Variants in KLRG1 observed in about 807,000 individuals in gnomAD.
The protein encoded by KLRG1 is killer cell lectin-like receptor subfamily G member 1.
A neutral mutation model predicts 21.8 loss-of-function variants in KLRG1; 16 were observed. That is an observed-to-expected ratio of 0.73 (90% CI 0.50 to 1.11). The LOEUF is 1.11. Among genes scored for constraint, KLRG1 ranks in the 50% most tolerant of loss-of-function variants. KLRG1 has a pLI of 0.00. For synonymous variants in KLRG1, 69 were observed against 75.9 expected (o/e 0.91, Z 0.47); for missense variants, 173 against 218.3 (o/e 0.79, Z 1.31).
At chr12:9,197,166 G>C in the KLRG1 span, 1 of 1,340,820 alleles carries the variant, frequency 7.5e-7, no homozygotes. Flanking sequence ...ATGGCTGTTT[G>C]CATTTTCCAC....
chr12:9,192,691 C>T, the KLRG1 span: 4 of 1,613,800 alleles, frequency 2.5e-6, no homozygotes, highest in Non-Finnish European at 2.5e-6. Context: ...TGGTGGTCTT[C>T]TGCTACCCAT....
At chr12:9,067,895 A>G in the KLRG1 span, 22 of 1,537,870 alleles carry the variant, frequency 1.4e-5, no homozygotes, top group South Asian at 2.5e-4. Context: ...ATGAGCAGAG[A>G]GTATTCTTTC....
chr12:9,083,939 GAAACATATCACATAC>G, the KLRG1 span, among the ~76,000 whole-genome samples: 1 of 152,164 alleles, frequency 6.6e-6, no homozygotes, highest in South Asian at 2.1e-4. Flanking sequence ...AGGTGATAAA[GAAACATATCACATAC>G]AAAGGAATTC....
chr12:9,060,817 G>A, the KLRG1 span, among the ~76,000 whole-genome samples: 1 of 152,110 alleles, frequency 6.6e-6, no homozygotes, highest in African/African-American at 2.4e-5. Context: ...ATATGTTTTG[G>A]ATTAATGATG....
intron 3 of KLRG1, among the ~76,000 whole-genome samples, chr12:9,008,625 G>A (rs1346549268): frequency 6.6e-6 from 1 of 152,122 alleles, no homozygotes; most frequent in Non-Finnish European, 1.5e-5. Context: ...GCTTGCACAT[G>A]GCTGCCTTTT....
At chr12:9,095,731 C>CTTATTT in the KLRG1 span, 2 of 510,274 alleles carry the variant, frequency 3.9e-6, no homozygotes, top group Non-Finnish European at 6.7e-6. Context: ...AAAAGGCAAA[C>CTTATTT]TTATTTGTGA....
the KLRG1 span, chr12:9,110,143 G>C: frequency 8.0e-7 from 1 of 1,246,210 alleles, no homozygotes; most frequent in African/African-American, 1.5e-5. Flanking sequence ...AAATGGGGTA[G>C]TAGTAAAGGG....
the KLRG1 span, chr12:9,068,908 G>C: frequency 8.6e-7 from 1 of 1,160,048 alleles, no homozygotes; most frequent in Non-Finnish European, 1.2e-6. Context: ...ATTAGTTTAA[G>C]TATTCACCTG....
At chr12:9,187,968 C>G in the KLRG1 span, among the ~76,000 whole-genome samples, 1 of 152,254 alleles carries the variant, frequency 6.6e-6, no homozygotes, top group South Asian at 2.1e-4. Flanking sequence ...GTGGTGGTGG[C>G]TGCAGTCCCA....
the KLRG1 span, among the ~76,000 whole-genome samples, chr12:9,029,491 A>C: frequency 6.6e-6 from 1 of 151,942 alleles, no homozygotes; most frequent in Non-Finnish European, 1.5e-5. Context: ...GCTGGGATCC[A>C]CGGCCCCTGG....
At chr12:8,975,473 T>A (rs1946642487) in intron 1 of KLRG1, among the ~76,000 whole-genome samples, 1 of 152,236 alleles carries the variant, frequency 6.6e-6, no homozygotes, top group African/African-American at 2.4e-5. Context: ...GTGCTCCTTA[T>A]GACCCTTTCT....
At chr12:8,958,504 T>G (rs1565535102) in intron 1 of KLRG1, among the ~76,000 whole-genome samples, 2 of 152,226 alleles carry the variant, frequency 1.3e-5, no homozygotes, top group Admixed American at 6.5e-5. Flanking sequence ...GTTTTGGCTA[T>G]TCTAGGTCCT....
the KLRG1 span, among the ~76,000 whole-genome samples, chr12:9,108,804 A>G: frequency 6.6e-6 from 1 of 152,232 alleles, no homozygotes; most frequent in Non-Finnish European, 1.5e-5. Flanking sequence ...ACAGGTATGT[A>G]GACCCGCCTT....
At chr12:9,183,484 C>T in the KLRG1 span, among the ~76,000 whole-genome samples, 1 of 152,152 alleles carries the variant, frequency 6.6e-6, no homozygotes, top group African/African-American at 2.4e-5. Flanking sequence ...ACTGCAGCCT[C>T]GAATTTCTGG....
chr12:9,054,991 A>T, the KLRG1 span, among the ~76,000 whole-genome samples: 1 of 152,228 alleles, frequency 6.6e-6, no homozygotes, highest in African/African-American at 2.4e-5. Context: ...TCTGGTCCCA[A>T]GTATTTTGGA....
chr12:8,982,298 A>G (rs376737918), intron 1 of KLRG1, among the ~76,000 whole-genome samples: 1 of 152,256 alleles, frequency 6.6e-6, no homozygotes, highest in East Asian at 1.9e-4. Context: ...CAAAGGTGGC[A>G]GAAGAATCCA....
the KLRG1 span, among the ~76,000 whole-genome samples, chr12:9,048,689 A>T: frequency 6.6e-6 from 1 of 152,216 alleles, no homozygotes; most frequent in African/African-American, 2.4e-5. Flanking sequence ...TCCAAACTCA[A>T]CTGTATATAG....
the KLRG1 span, among the ~76,000 whole-genome samples, chr12:9,026,854 G>A: frequency 6.6e-6 from 1 of 151,746 alleles, no homozygotes; most frequent in Non-Finnish European, 1.5e-5. Context: ...AAAAAATCGT[G>A]TGTGTGTCTG....
chr12:9,072,304 G>A, the KLRG1 span: 24 of 1,591,602 alleles, frequency 1.5e-5, no homozygotes, highest in African/African-American at 1.6e-4. Flanking sequence ...AGGAGTTCCC[G>A]AAAGAAGACT....
Sources: allele counts gnomAD v4.1 joint callset (sites outside exome capture counted in the v4.1 genomes callset), GRCh38; gene constraint gnomAD v4.1.1; transcripts MANE v1.5; gene names NCBI Gene and HGNC (gene_info 2026-07-23, HGNC 2026-07-21).